ARMC3: variants seen among roughly 807,000 people sequenced by gnomAD.
ARMC3 encodes the protein armadillo repeat-containing protein 3.
Under a neutral mutation model 90.3 loss-of-function variants are expected in ARMC3, and 74 were observed. That is an observed-to-expected ratio of 0.82 (90% confidence interval 0.68 to 0.99). The LOEUF (loss-of-function observed/expected upper bound fraction) is 0.99, where lower values mean the gene tolerates loss of function less well. Among genes scored for constraint, ARMC3 ranks in the 50% least tolerant of loss-of-function variants. The pLI is 0.00. For synonymous variants in ARMC3, 334 were observed against 361.8 expected, an observed-to-expected ratio of 0.92 and a Z score of 0.87; for missense variants, 958 against 1,042.8, an observed-to-expected ratio of 0.92 and a Z score of 1.12.
intron 3 of ARMC3, among the ~76,000 whole-genome samples, chr10:22,950,133 T>C (rs1834687922): frequency 6.6e-6 from 1 of 151,992 alleles, no homozygotes; most frequent in Non-Finnish European, 1.5e-5. Context: ...CTATTACTTA[T>C]AATAAAAAGA....
intron 16 of ARMC3, among the ~76,000 whole-genome samples, chr10:23,025,011 A>C (rs1262868291): frequency 6.6e-6 from 1 of 152,198 alleles, no homozygotes; most frequent in Non-Finnish European, 1.5e-5. Context: ...GAGGGACATT[A>C]CATTAGTGAT....
At chr10:22,928,392 T>C (rs962762172) in intron 1 of ARMC3, among the ~76,000 whole-genome samples, 3 of 152,198 alleles carry the variant, frequency 2.0e-5, no homozygotes, top group African/African-American at 4.8e-5. Context: ...AACTCAGAAG[T>C]GGCCTCGATT....
chr10:23,002,391 GCTGT>G (rs927253767), intron 12 of ARMC3, among the ~76,000 whole-genome samples: 2 of 152,134 alleles, frequency 1.3e-5, no homozygotes, highest in African/African-American at 4.8e-5. Flanking sequence ...AAATGGGCGA[GCTGT>G]GTCTATCACC....
chr10:22,999,802 G>T (rs1309624379), intron 11 of ARMC3, among the ~76,000 whole-genome samples: 1 of 152,120 alleles, frequency 6.6e-6, no homozygotes, highest in Non-Finnish European at 1.5e-5. Flanking sequence ...CTGTCTCCTT[G>T]ATCTCTATTC....
intron 11 of ARMC3, 97 bp from the exon 12 acceptor site, chr10:23,001,822 T>TA: frequency 2.9e-6 from 4 of 1,376,648 alleles, no homozygotes; most frequent in Non-Finnish European, 3.9e-6. Flanking sequence ...TTTACATAGT[T>TA]AAAACCTTTT....
intron 16 of ARMC3, among the ~76,000 whole-genome samples, chr10:23,024,391 C>CATAT (rs747069779): frequency 0.036 from 4,860 of 134,642 alleles, 89 homozygotes; most frequent in African/African-American, 0.043. Flanking sequence ...AGAGGAATGC[C>CATAT]ACATAGATAG....
chr10:23,023,561 G>C (rs577042722), intron 16 of ARMC3, among the ~76,000 whole-genome samples: 27 of 152,288 alleles, frequency 1.8e-4, no homozygotes, highest in African/African-American at 6.3e-4. Context: ...TTTTAAAGCA[G>C]TCATCATGAA....
intron 2 of ARMC3, among the ~76,000 whole-genome samples, chr10:22,944,080 T>C (rs1311325682): frequency 6.6e-6 from 1 of 152,228 alleles, no homozygotes; most frequent in Non-Finnish European, 1.5e-5. Flanking sequence ...AGGTTTTGCC[T>C]GAGCAATTTG....
chr10:23,006,780 G>A, intron 13 of ARMC3, 104 bp from the exon 14 acceptor site: 1 of 893,026 alleles, frequency 1.1e-6, no homozygotes, highest in Admixed American at 1.8e-5. Context: ...TTGTGTGTGT[G>A]AAATGAGACA....
rs370584160 is a variant in ARMC3 at position 23,010,684 on chromosome 10, T to C, written c.2045+1753T>C. On this transcript the variant is annotated intron_variant, in intron 16 of 18. Transcript: ENST00000298032. ...CTCCTCTCCTTCCTTTCCCTCCCCC[T>C]TCCTTCCTTTCCCTTCCCCCTCCTT... 6.2e-4 allele frequency among the ~76,000 whole-genome samples: 41 copies of C among 66,346 alleles called. 1 individual carries two copies. The East Asian group carries it at 0.02, about 32-fold the overall frequency. 43.5% of individuals were successfully genotyped at this position (66,346 alleles called of 152,430 possible). A position where few individuals can be genotyped will look rare whatever the true frequency, so the allele number is the denominator to read the frequency against.
rs764534107 is a variant in ARMC3, at chr10:23,008,885, C to T, written c.1999C>T (p.Arg667Ter). Reference sequence around the variant, plus strand: ...AGACAAATCAGAGCCAGCTTCTGGACGAAATACTGTTCTCAGCAAAAGCGC... The same window carrying T: ...AGACAAATCAGAGCCAGCTTCTGGATGAAATACTGTTCTCAGCAAAAGCGC... ...IEDKSEPASG[R>*]NTVLSKSATK... The change falls in exon 16 of 19, where the codon CGA becomes TGA. Residue 667 changes from arginine (R) to a stop codon, truncating the protein, a stop_gained. Transcript: ENST00000298032. LOFTEE classifies it high-confidence loss of function. 4.3e-6 allele frequency: 7 copies of T among 1,612,796 alleles called. No homozygotes were observed. Among genetic ancestry groups the T allele is most frequent in the East Asian group, 2.2e-5 (1 of 44,854 alleles).
intron 10 of ARMC3, among the ~76,000 whole-genome samples, chr10:22,986,918 G>A (rs1330040197): frequency 6.6e-6 from 1 of 152,158 alleles, no homozygotes; most frequent in African/African-American, 2.4e-5. Context: ...AGAACAGCCA[G>A]ATTCACTTAT....
chr10:22,980,125 A>G (rs889744862), intron 8 of ARMC3, among the ~76,000 whole-genome samples: 2 of 152,188 alleles, frequency 1.3e-5, no homozygotes, highest in South Asian at 4.1e-4. Context: ...AAAACAAGTT[A>G]ATTAACATGT....
chr10:22,995,012 T>G (rs1836886982), intron 10 of ARMC3, among the ~76,000 whole-genome samples: 1 of 152,248 alleles, frequency 6.6e-6, no homozygotes, highest in Non-Finnish European at 1.5e-5. Flanking sequence ...GAAAATATTT[T>G]CAAATTATTG....
chr10:23,017,787 C>T (rs1392228979), intron 16 of ARMC3, among the ~76,000 whole-genome samples: 2 of 152,158 alleles, frequency 1.3e-5, no homozygotes, highest in Non-Finnish European at 2.9e-5. Context: ...CAAAACAAAA[C>T]AAAACAGGTA....
At chr10:23,006,790 A>T in intron 13 of ARMC3, 94 bp from the exon 14 acceptor site, 1 of 983,472 alleles carries the variant, frequency 1.0e-6, no homozygotes, top group Non-Finnish European at 1.6e-6. Flanking sequence ...GAAATGAGAC[A>T]CCGCAAACAG....
chr10:23,029,044 C>T (rs575218544), intron 16 of ARMC3, among the ~76,000 whole-genome samples: 1 of 152,260 alleles, frequency 6.6e-6, no homozygotes, highest in East Asian at 1.9e-4. Flanking sequence ...TAGTATAAAG[C>T]AATTTTAGGC....
chr10:22,938,537 C>G (rs1249439721), intron 2 of ARMC3, among the ~76,000 whole-genome samples: 1 of 152,056 alleles, frequency 6.6e-6, no homozygotes, highest in Non-Finnish European at 1.5e-5. Flanking sequence ...AGTTAAGATA[C>G]AATGGCAGCT....
chr10:23,029,787 A>T lies in ARMC3; in HGVS notation c.2046-809A>T, dbSNP rs186041563. Among the ~76,000 whole-genome samples, 8 of 152,314 alleles carry T rather than the reference A, an allele frequency of 5.3e-5. No individual in the cohort carries two copies. In the East Asian group the frequency reaches 9.6e-4, roughly 18 times the overall value. On this transcript the variant is annotated intron_variant, in intron 16 of 18. Coordinates refer to ENST00000298032, the MANE Select transcript of ARMC3 (RefSeq NM_173081.5). The stretch of plus-strand genomic sequence containing the variant: ...CTTTATTAAGTACTAAACTAAGTAC[A>T]TTTCTCTAGATAAACCTTGGATGAG...
Sources: gnomAD v4.1 joint callset for allele counts (sites outside exome capture counted in the v4.1 genomes callset) on GRCh38, gnomAD v4.1.1 for gene constraint, MANE v1.5 for transcripts, NCBI Gene and HGNC (gene_info 2026-07-23, HGNC 2026-07-21) for gene names.